The following GREB1 variants were observed in gnomAD, a reference collection of about 807,000 sequenced individuals.
GREB1 encodes growth regulating estrogen receptor binding 1.
In GREB1, 106 loss-of-function variants were observed where a neutral mutation model predicts 200.7. That is an observed-to-expected ratio of 0.53 (90% confidence interval 0.45 to 0.62). The LOEUF (loss-of-function observed/expected upper bound fraction) is 0.62. Among genes scored for constraint, GREB1 ranks in the 20% least tolerant of loss-of-function variants. GREB1 has a pLI of 0.00. For synonymous variants in GREB1, 1,132 were observed against 1,092.4 expected, an observed-to-expected ratio of 1.04 and a Z score of -0.72; for missense variants, 2,243 against 2,556.8, an observed-to-expected ratio of 0.88 and a Z score of 2.65.
intron 1 of GREB1, among the ~76,000 whole-genome samples, chr2:11,521,969 C>T (rs1285793576): frequency 6.6e-6 from 1 of 152,214 alleles, no homozygotes; most frequent in Non-Finnish European, 1.5e-5. Flanking sequence ...CTGCTTTTCT[C>T]CCGCTGGGTG....
intron 2 of GREB1, among the ~76,000 whole-genome samples, chr2:11,557,593 C>A (rs893197007): frequency 6.6e-6 from 1 of 152,204 alleles, no homozygotes; most frequent in African/African-American, 2.4e-5. Flanking sequence ...GAGAGAATTG[C>A]ACCTAGAGAA....
chr2:11,626,064 C>T (rs56372442), intron 24 of GREB1, among the ~76,000 whole-genome samples: 7,403 of 152,184 alleles, frequency 0.049, 240 homozygotes, highest in Non-Finnish European at 0.072. Flanking sequence ...ATTCAGTTAT[C>T]TCCCATCAGG....
At chr2:11,531,602 G>A (rs1317097622), upstream of GREB1, among the ~76,000 whole-genome samples, 3 of 151,770 alleles carry the variant, frequency 2.0e-5, no homozygotes, top group African/African-American at 4.8e-5. Context: ...ATAGAGTCTT[G>A]CTCTGTCATC....
chr2:11,553,040 G>C (rs190009913), intron 1 of GREB1, among the ~76,000 whole-genome samples: 36 of 149,210 alleles, frequency 2.4e-4, no homozygotes, highest in African/African-American at 8.7e-4. Flanking sequence ...CCGCAGATTT[G>C]AATACTGTTG....
chr2:11,502,947 C>T (rs762252466), intron 1 of GREB1, among the ~76,000 whole-genome samples: 5 of 152,104 alleles, frequency 3.3e-5, no homozygotes, highest in African/African-American at 7.2e-5. Context: ...GAGATTCATA[C>T]GAAGTCCATC....
At chr2:11,596,603 G>A (rs1408666052) in intron 13 of GREB1, among the ~76,000 whole-genome samples, 1 of 95,858 alleles carries the variant, frequency 1.0e-5, no homozygotes, top group Non-Finnish European at 2.1e-5. Context: ...GACGGGGGTG[G>A]GGCACTGGTG....
At chr2:11,540,277 C>T (rs35417544) in intron 1 of GREB1, among the ~76,000 whole-genome samples, 90,606 of 152,036 alleles carry the variant, frequency 0.6, 29,905 homozygotes, top group South Asian at 0.83. Flanking sequence ...ACTTAATGAA[C>T]GGGTGTCCTT....
chr2:11,484,461 T>A (rs1029247835), intron 1 of GREB1, among the ~76,000 whole-genome samples: 1 of 151,930 alleles, frequency 6.6e-6, no homozygotes, highest in Non-Finnish European at 1.5e-5. Flanking sequence ...AGTAAGAAGT[T>A]AACTCAGGAG....
intron 1 of GREB1, among the ~76,000 whole-genome samples, chr2:11,483,687 G>GTGTGTGTGTGTGT (rs1672573952): frequency 4.5e-5 from 6 of 132,306 alleles, no homozygotes; most frequent in African/African-American, 1.7e-4. Context: ...TACAAGAAGG[G>GTGTGTGTGTGTGT]GTGTGTGTGT....
Position 11,598,552 on chromosome 2 carries a change from C to T in GREB1, c.2153-128C>T, listed in dbSNP as rs1048370782. Reference sequence around the variant, plus strand: ...GTGTGGGAGTTTTTTCCCTTCCTTTCCCTGCTCTTGCATCTCTGAGTCTAG... The same window carrying T: ...GTGTGGGAGTTTTTTCCCTTCCTTTTCCTGCTCTTGCATCTCTGAGTCTAG... On this transcript the variant is annotated intron_variant, in intron 14 of 32. Coordinates refer to ENST00000381486, the MANE Select transcript of GREB1 (RefSeq NM_014668.4). The T allele has an allele frequency of 3.6e-6, 3 of 830,430 alleles. No individual in the cohort carries two copies. The Admixed American group carries it at 6.7e-5, about 19-fold the overall frequency. The allele number at this position is 830,430 out of a possible 1,614,324, so 51.4% of individuals were successfully genotyped here.
chr2:11,507,408 A>AC (rs916923330), intron 1 of GREB1, among the ~76,000 whole-genome samples: 5 of 151,556 alleles, frequency 3.3e-5, no homozygotes, highest in African/African-American at 1.2e-4. Flanking sequence ...GACTCCAAAA[A>AC]AAAAAAAAAA....
chr2:11,596,772 T>G (rs1572865462), intron 13 of GREB1, among the ~76,000 whole-genome samples: 1 of 23,178 alleles, frequency 4.3e-5, no homozygotes, highest in Non-Finnish European at 7.7e-5. Context: ...GTGTACACAG[T>G]GAGGGGGGTG....
rs756100128 is a variant in GREB1, at chr2:11,634,237, T to A, written c.5098T>A (p.Ser1700Thr). Residue 1700 changes from serine (S) to threonine (T), a missense_variant, in exon 29 of 33, where the codon TCC becomes ACC. Physicochemically the swap from Ser to Thr is moderately conservative, Grantham distance 58. Around this residue, in one of 3 missense-constraint regions of GREB1, gnomAD observed 478 missense variants for 616.3 expected, o/e 0.78. Transcript: ENST00000381486. ...CGCCCTGCTGGGCCTGCGGAAGTGGTCCAGCAAGACCCGGGCCAGCGAGGT... is the reference window on the plus strand; with the variant it reads ...CGCCCTGCTGGGCCTGCGGAAGTGGACCAGCAAGACCCGGGCCAGCGAGGT... Reference protein sequence around the residue: ...HYALLGLRKWSSKTRASEVQE... With the variant: ...HYALLGLRKWTSKTRASEVQE... The A allele has an allele frequency of 1.2e-6, 2 of 1,614,128 alleles. No homozygotes were observed. The highest frequency in any genetic ancestry group is 3.3e-5 in the Admixed American group (2 of 60,022).
At chr2:11,592,047 C>T in intron 10 of GREB1, 1 of 977,344 alleles carries the variant, frequency 1.0e-6, no homozygotes, top group Non-Finnish European at 1.2e-6. Flanking sequence ...GCTGAATGTT[C>T]TACACATTTA....
intron 10 of GREB1, chr2:11,591,698 G>T (rs1028777881): frequency 3.0e-5 from 14 of 471,074 alleles, no homozygotes; most frequent in African/African-American, 9.9e-5. Flanking sequence ...GAGAATTTAG[G>T]CGAAGGAAGT....
chr2:11,552,946 C>A (rs891622486), intron 1 of GREB1, among the ~76,000 whole-genome samples: 5 of 146,918 alleles, frequency 3.4e-5, no homozygotes, highest in Non-Finnish European at 5.9e-5. Flanking sequence ...GGAGGCGGAG[C>A]TTGCAGTGAG....
At chr2:11,483,689 T>G (rs1181108525) in intron 1 of GREB1, among the ~76,000 whole-genome samples, 58 of 940 alleles carry the variant, frequency 0.062, no homozygotes, top group Admixed American at 0.17. Flanking sequence ...CAAGAAGGGG[T>G]GTGTGTGTGT....
rs200319420 is a variant in GREB1, at chr2:11,618,878, G to A, written c.4003G>A (p.Gly1335Ser). 363 of 1,568,012 alleles carry A rather than the reference G, an allele frequency of 2.3e-4. 2 individuals carry two copies. In the South Asian group the frequency reaches 2.8e-3, roughly 12 times the overall value. Reference sequence around the variant, plus strand: ...CAACCGGGCCGAGGGCCGCGTGGACGGCTTCCACCCCCGCAGGCTGCTGCT... The same window carrying A: ...CAACCGGGCCGAGGGCCGCGTGGACAGCTTCCACCCCCGCAGGCTGCTGCT... ...YGNRAEGRVD[G>S]FHPRRLLLSG... Residue 1335 changes from glycine to serine, a missense_variant, in exon 22 of 33, where the codon GGC becomes AGC. Physicochemically the swap from Gly to Ser is moderately conservative, Grantham distance 56. Around this residue, in one of 3 missense-constraint regions of GREB1, gnomAD observed 587 missense variants for 553.1 expected, o/e 1.06. Transcript: ENST00000381486.
chr2:11,634,173 C>T lies in GREB1; in HGVS notation c.5034C>T (p.Ile1678=). ...AAAGGAACGTGTCTTTGAAGCACAT[C>T]ATGCAGCACATCGAGGCGGCCCCCG... ...WSERNVSLKH[I]MQHIEAAPDI... The change falls in exon 29 of 33, where the codon ATC becomes ATT. Residue 1678 remains isoleucine (I), a synonymous_variant. Transcript: ENST00000381486. The T allele has an allele frequency of 1.2e-6, 2 of 1,614,248 alleles. No homozygotes were observed. Among genetic ancestry groups the T allele is most frequent in the African/African-American group, 2.7e-5 (2 of 75,066 alleles).
Sources: allele counts gnomAD v4.1 joint callset (sites outside exome capture counted in the v4.1 genomes callset), GRCh38; gene constraint gnomAD v4.1.1; regional missense constraint gnomAD v4.1.1; transcripts MANE v1.5; gene names NCBI Gene and HGNC (gene_info 2026-07-23, HGNC 2026-07-21).